SLC22A3: variants seen among roughly 807,000 people sequenced by gnomAD.
SLC22A3 encodes the protein EMT organic cation transporter 3.
SLC22A3 carries 51 observed loss-of-function variants against 59.1 expected under a neutral mutation model. The observed-to-expected ratio is 0.86, with a 90% CI of 0.69 to 1.09. The LOEUF (loss-of-function observed/expected upper bound fraction) is 1.09. SLC22A3 is among the 50% of genes least tolerant of loss of function. The pLI is 0.00. For synonymous variants in SLC22A3, 325 were observed against 292.0 expected (o/e 1.11, Z -1.15); for missense variants, 711 against 726.3 (o/e 0.98, Z 0.24).
intron 1 of SLC22A3, among the ~76,000 whole-genome samples, chr6:160,365,931 G>A (rs1478815861): frequency 6.6e-6 from 1 of 152,112 alleles, no homozygotes. Context: ...AGACAACCAC[G>A]AGATTCCATG....
chr6:160,358,946 G>T (rs1319516257), intron 1 of SLC22A3, among the ~76,000 whole-genome samples: 1 of 152,208 alleles, frequency 6.6e-6, no homozygotes, highest in Non-Finnish European at 1.5e-5. Flanking sequence ...CAGCTGTGGG[G>T]CTGCAGGGCT....
chr6:160,364,713 G>A (rs564541556), intron 1 of SLC22A3, among the ~76,000 whole-genome samples: 2 of 152,266 alleles, frequency 1.3e-5, no homozygotes, highest in South Asian at 4.2e-4. Context: ...GAAGAATCAA[G>A]CCTCTGGCAC....
In SLC22A3 at chr6:160,443,712, G is replaced by T. The variant is rs565948998; in HGVS notation, c.1480G>T (p.Val494Leu). 214 of 1,613,096 alleles carry T rather than the reference G, an allele frequency of 1.3e-4. 1 individual carries two copies. In the South Asian group the frequency reaches 2.1e-3, roughly 16 times the overall value. ...ATTTCTGCTCTTTCGGCTAGCAGCC[G>T]TGTGGCTAGAACTACCTCTGATCAT... is the stretch of plus-strand genomic sequence containing the variant. Reference protein sequence around the residue: ...APFLLFRLAAVWLELPLIIFG... With the variant: ...APFLLFRLAALWLELPLIIFG... The change falls in exon 9 of 11, where the codon GTG (valine) becomes TTG (leucine). Residue 494 changes from valine (V) to leucine (L), a missense_variant. Val to Leu is a conservative substitution (Grantham distance 32, BLOSUM62 1). Coordinates refer to ENST00000275300, the MANE Select transcript of SLC22A3 (RefSeq NM_021977.4).
chr6:160,393,951 C>G (rs189445597), intron 1 of SLC22A3, among the ~76,000 whole-genome samples: 3 of 152,326 alleles, frequency 2.0e-5, no homozygotes, highest in Admixed American at 2.0e-4. Context: ...TTCTGCAAAA[C>G]GAAGCAATGT....
intron 1 of SLC22A3, among the ~76,000 whole-genome samples, chr6:160,370,291 C>T (rs1785353718): frequency 6.6e-6 from 1 of 152,204 alleles, no homozygotes; most frequent in Admixed American, 6.5e-5. Context: ...TTTGAAAGAG[C>T]ATGTGTGGGG....
chr6:160,373,227 T>G (rs1383562898), intron 1 of SLC22A3, among the ~76,000 whole-genome samples: 1 of 152,172 alleles, frequency 6.6e-6, no homozygotes, highest in African/African-American at 2.4e-5. Context: ...TGCTATTCCT[T>G]TATGTTTGTT....
chr6:160,349,130 C>T, intron 1 of SLC22A3: 3 of 932,206 alleles, frequency 3.2e-6, no homozygotes, highest in Non-Finnish European at 3.8e-6. Context: ...TTGTAAACGC[C>T]TGGCGCACGC....
intron 7 of SLC22A3, 40 bp downstream of exon 7, chr6:160,437,251 G>T: frequency 2.5e-6 from 4 of 1,592,464 alleles, no homozygotes; most frequent in Non-Finnish European, 3.4e-6. Flanking sequence ...CAAAGGACTT[G>T]AAAACACCTA....
intron 5 of SLC22A3, among the ~76,000 whole-genome samples, chr6:160,414,994 G>A (rs1442246117): frequency 6.6e-6 from 1 of 152,126 alleles, no homozygotes; most frequent in Admixed American, 6.5e-5. Context: ...TTAGCACGAT[G>A]AGATTTTCCA....
intron 1 of SLC22A3, among the ~76,000 whole-genome samples, chr6:160,363,733 C>T (rs548302683): frequency 9.9e-5 from 15 of 152,284 alleles, no homozygotes; most frequent in South Asian, 2.1e-4. Flanking sequence ...ATCTTTTGTC[C>T]GCCTGAAGGG....
At chr6:160,400,360 C>T (rs925750680) in intron 2 of SLC22A3, among the ~76,000 whole-genome samples, 2 of 151,838 alleles carry the variant, frequency 1.3e-5, no homozygotes, top group Non-Finnish European at 2.9e-5. Flanking sequence ...AGAGAAACAC[C>T]AAATTCTAGC....
At chr6:160,360,527 C>A (rs1033877378) in intron 1 of SLC22A3, among the ~76,000 whole-genome samples, 2 of 152,178 alleles carry the variant, frequency 1.3e-5, no homozygotes, top group Admixed American at 6.5e-5. Context: ...TTCATTCTCT[C>A]AGTTTCTCTT....
intron 1 of SLC22A3, among the ~76,000 whole-genome samples, chr6:160,357,402 GA>G (rs1784877717): frequency 6.6e-6 from 1 of 152,198 alleles, no homozygotes; most frequent in Non-Finnish European, 1.5e-5. Context: ...CTGCCAACGG[GA>G]AGCTTTGGGC....
intron 1 of SLC22A3, among the ~76,000 whole-genome samples, chr6:160,396,910 A>G (rs896737278): frequency 6.6e-6 from 1 of 152,206 alleles, no homozygotes; most frequent in African/African-American, 2.4e-5. Context: ...AAAACCTATA[A>G]AATATTTTCT....
Position 160,444,549 on chromosome 6 carries a change from T to G in SLC22A3, c.1510+807T>G, listed in dbSNP as rs567565904. The stretch of plus-strand genomic sequence containing the variant: ...CCTCGAGTGCACCTCTCCTCCTACC[T>G]CCAGCTTCCATAGGACTTGTGAAGG... On this transcript the variant is annotated intron_variant, in intron 9 of 10. Transcript: ENST00000275300. Among the ~76,000 whole-genome samples the G allele has an allele frequency of 1.7e-4, 26 of 152,110 alleles. No individual in the cohort carries two copies. The South Asian group carries it at 4.4e-3, about 25-fold the overall frequency.
chr6:160,422,060 C>T (rs537612194), intron 5 of SLC22A3, among the ~76,000 whole-genome samples: 1 of 152,342 alleles, frequency 6.6e-6, no homozygotes, highest in East Asian at 1.9e-4. Flanking sequence ...TGGCAGGAGT[C>T]CCTGTGTTAT....
intron 10 of SLC22A3, among the ~76,000 whole-genome samples, chr6:160,450,263 G>A (rs1038612340): frequency 6.6e-6 from 1 of 152,088 alleles, no homozygotes; most frequent in East Asian, 1.9e-4. Context: ...CTTTCCCAGG[G>A]TCTTAATTAT....
chr6:160,443,720 A>G lies in SLC22A3; in HGVS notation c.1488A>G (p.Leu496=), dbSNP rs1398229986. The stretch of plus-strand genomic sequence containing the variant: ...TCTTTCGGCTAGCAGCCGTGTGGCT[A>G]GAACTACCTCTGATCATCTTTGGTA... The part of the protein sequence containing the change: ...FLLFRLAAVW[L]ELPLIIFGIL... Residue 496 remains leucine (L), a synonymous_variant, in exon 9 of 11, where the codon CTA becomes CTG. Coordinates refer to ENST00000275300, the MANE Select transcript of SLC22A3 (RefSeq NM_021977.4). 1 of 1,612,170 alleles carries G rather than the reference A, an allele frequency of 6.2e-7. No individual in the cohort carries two copies.
At chr6:160,363,666 C>T (rs1433475903) in intron 1 of SLC22A3, among the ~76,000 whole-genome samples, 1 of 152,160 alleles carries the variant, frequency 6.6e-6, no homozygotes, top group African/African-American at 2.4e-5. Context: ...GGCCACACTC[C>T]GCAGAATGCT....
Sources: gnomAD v4.1 joint callset for allele counts (sites outside exome capture counted in the v4.1 genomes callset) on GRCh38, gnomAD v4.1.1 for gene constraint, MANE v1.5 for transcripts, NCBI Gene and HGNC (gene_info 2026-07-23, HGNC 2026-07-21) for gene names.